Variants in RBM26 observed in about 807,000 individuals in gnomAD.
The protein encoded by RBM26 is RNA binding motif protein 26, also known as RNA-binding protein 26.
Under a neutral mutation model 123.6 loss-of-function variants are expected in RBM26, and 30 were observed. The ratio of observed to expected loss-of-function variants is 0.24; its 90% CI spans 0.18 to 0.33. RBM26 has a LOEUF of 0.33. RBM26 is among the 10% of genes least tolerant of loss of function. The pLI, the probability that RBM26 is intolerant of heterozygous loss-of-function variation, is 1.00. For missense variants in RBM26, 947 were observed against 1,203.6 expected, an observed-to-expected ratio of 0.79 and a Z score of 3.15; for synonymous variants, 400 against 404.4, an observed-to-expected ratio of 0.99 and a Z score of 0.13.
intron 9 of RBM26, among the ~76,000 whole-genome samples, chr13:79,362,971 T>C (rs2139782265): frequency 6.6e-6 from 1 of 152,306 alleles, no homozygotes; most frequent in Middle Eastern, 3.4e-3. Context: ...ATGAATTGTT[T>C]TTCTGCCTAA....
chr13:79,399,806 T>C (rs9545101), intron 1 of RBM26, among the ~76,000 whole-genome samples: 44,581 of 151,950 alleles, frequency 0.29, 8,068 homozygotes, highest in Non-Finnish European at 0.41. Flanking sequence ...ACTAAGTGAA[T>C]GGGAGGAAGG....
At chr13:79,354,326 A>G (rs2073696128) in intron 13 of RBM26, 113 bp downstream of exon 13, 1 of 914,210 alleles carries the variant, frequency 1.1e-6, no homozygotes, top group African/African-American at 1.7e-5. Context: ...AAATATGTAA[A>G]GACTATCATA....
At chr13:79,378,635 T>A (rs1274858583) in intron 2 of RBM26, among the ~76,000 whole-genome samples, 154 bp downstream of exon 2, 1 of 152,144 alleles carries the variant, frequency 6.6e-6, no homozygotes, top group Non-Finnish European at 1.5e-5. Flanking sequence ...AGACAGGGTT[T>A]CACCATGTTT....
In RBM26 at chr13:79,366,136, C is replaced by G. The variant is rs2075248630; in HGVS notation, c.1195G>C (p.Ala399Pro). ...PSGMDAPPNSATSSVPTVVTT... is the reference protein window; with the variant it reads ...PSGMDAPPNSPTSSVPTVVTT... ...ACTACAGTAGGAACAGAACTGGTTG[C>G]AGAGTTTGGAGGAGCATCCATGCCA... The change falls in exon 8 of 22, where the codon GCA becomes CCA. Residue 399 changes from alanine (A) to proline (P), a missense_variant. By Grantham distance (27) the Ala-to-Pro change is conservative. Transcript: ENST00000438737. 1 of 1,613,808 alleles carries G rather than the reference C, an allele frequency of 6.2e-7. No homozygotes were observed. Among genetic ancestry groups the G allele is most frequent in the African/African-American group, 1.3e-5 (1 of 74,914 alleles).
At chr13:79,355,996 C>A (rs966216319) in intron 11 of RBM26, among the ~76,000 whole-genome samples, 5 of 152,168 alleles carry the variant, frequency 3.3e-5, no homozygotes, top group African/African-American at 1.2e-4. Flanking sequence ...AATTCCTATT[C>A]TTTCAATAAT....
chr13:79,365,900 A>G (rs1372083939), intron 8 of RBM26, 155 bp downstream of exon 8: 1 of 970,272 alleles, frequency 1.0e-6, no homozygotes, highest in East Asian at 2.6e-5. Flanking sequence ...TTTTGAAAAC[A>G]TTCAAAACTG....
chr13:79,340,659 T>C (rs1162951008), intron 18 of RBM26, among the ~76,000 whole-genome samples: 2 of 151,942 alleles, frequency 1.3e-5, no homozygotes, highest in Non-Finnish European at 2.9e-5. Context: ...AAGAAGTTTA[T>C]TTCTCTTTTC....
chr13:79,334,491 A>G, intron 19 of RBM26, 61 bp from the exon 20 acceptor site: 3 of 897,258 alleles, frequency 3.3e-6, no homozygotes. Context: ...CAAAAATCCT[A>G]ATGGTATTAA....
chr13:79,355,284 C>T lies in RBM26; in HGVS notation c.1790G>A (p.Arg597His). ...ISSTEAVLNN[R>H]FIKVYWHREG... ...TCTGTGCCAATAAACCTTAATAAAGCGATTGTTTAATACTGCTTCCGTACT... is the reference window on the plus strand; with the variant it reads ...TCTGTGCCAATAAACCTTAATAAAGTGATTGTTTAATACTGCTTCCGTACT... Residue 597 changes from arginine to histidine, a missense_variant, in exon 12 of 22, where the codon CGC (arginine) becomes CAC (histidine). Arg to His is a conservative substitution (Grantham distance 29). This residue lies in a region of RBM26 where 493 missense variants were observed against 563.1 expected (regional missense o/e 0.88). Coordinates refer to ENST00000438737, the MANE Select transcript of RBM26 (RefSeq NM_001366735.2). 6.2e-7 allele frequency: 1 copy of T among 1,613,900 alleles called. No individual in the cohort carries two copies. The highest frequency in any genetic ancestry group is 8.5e-7 in the Non-Finnish European group (1 of 1,179,852).
chr13:79,342,904 G>A (rs1471029436), intron 16 of RBM26, 73 bp from the exon 17 acceptor site: 21 of 917,310 alleles, frequency 2.3e-5, no homozygotes, highest in Non-Finnish European at 2.1e-5. Flanking sequence ...ACACTGCAAA[G>A]TAATTTAAAA....
chr13:79,405,671 A>G (rs2079474900), intron 1 of RBM26, 33 bp downstream of exon 1: 2 of 1,500,598 alleles, frequency 1.3e-6, no homozygotes, highest in Non-Finnish European at 1.8e-6. Context: ...TCCCACTGCC[A>G]TCCCTGCAAA....
downstream of RBM26, chr13:79,318,701 T>C (rs762048306): frequency 1.2e-5 from 8 of 685,236 alleles, no homozygotes; most frequent in African/African-American, 9.8e-5. Flanking sequence ...TTCAGTTACA[T>C]TGTAAGGGAA....
intron 14 of RBM26, among the ~76,000 whole-genome samples, chr13:79,347,784 C>A (rs555368088): frequency 6.7e-6 from 1 of 149,196 alleles, no homozygotes; most frequent in Admixed American, 6.8e-5. Context: ...TTAGTGCACC[C>A]ATGAGTCTCT....
chr13:79,372,089 GCCAA>G (rs1273475086), intron 3 of RBM26, among the ~76,000 whole-genome samples, 159 bp from the exon 4 acceptor site: 1 of 152,044 alleles, frequency 6.6e-6, no homozygotes, highest in Non-Finnish European at 1.5e-5. Context: ...CACCAGCCTG[GCCAA>G]CATGGTGAAA....
chr13:79,336,892 CTAAGTG>C (rs2138943982), intron 19 of RBM26, among the ~76,000 whole-genome samples: 1 of 152,278 alleles, frequency 6.6e-6, no homozygotes, highest in South Asian at 2.1e-4. Flanking sequence ...TCATGGCCTA[CTAAGTG>C]TAAGAATAGT....
intron 1 of RBM26, among the ~76,000 whole-genome samples, chr13:79,387,646 C>A (rs772516101): frequency 6.6e-6 from 1 of 151,714 alleles, no homozygotes; most frequent in East Asian, 1.9e-4. Context: ...CACCACCTTG[C>A]GCTCTTTCTC....
intron 1 of RBM26, among the ~76,000 whole-genome samples, chr13:79,383,388 C>T (rs1388672839): frequency 6.6e-6 from 1 of 152,102 alleles, no homozygotes. Context: ...AAAATACACA[C>T]TACAAAAGAT....
intron 1 of RBM26, among the ~76,000 whole-genome samples, chr13:79,399,684 G>A (rs1271462741): frequency 6.6e-6 from 1 of 152,078 alleles, no homozygotes; most frequent in Admixed American, 6.5e-5. Flanking sequence ...AAGGGAGAAA[G>A]GCCTAGAGAT....
chr13:79,356,462 G>C (rs1217713843), intron 11 of RBM26, among the ~76,000 whole-genome samples: 1 of 151,066 alleles, frequency 6.6e-6, no homozygotes, highest in Non-Finnish European at 1.5e-5. Flanking sequence ...ACATGAACAT[G>C]ATCAAGTTAC....
Sources: allele counts gnomAD v4.1 joint callset (sites outside exome capture counted in the v4.1 genomes callset), GRCh38; gene constraint gnomAD v4.1.1; regional missense constraint gnomAD v4.1.1; transcripts MANE v1.5; gene names NCBI Gene and HGNC (gene_info 2026-07-23, HGNC 2026-07-21).